GRM5: variants seen among roughly 807,000 people sequenced by gnomAD.
GRM5 encodes the protein glutamate metabotropic receptor 5.
Under a neutral mutation model 83.1 loss-of-function variants are expected in GRM5, and 19 were observed. That is an observed-to-expected ratio of 0.23 (90% CI 0.16 to 0.34). The LOEUF is 0.34. Among genes scored for constraint, GRM5 ranks in the 10% least tolerant of loss-of-function variants. The probability of loss-of-function intolerance (pLI) is 1.00; values close to 1 mark genes in which losing one functional copy is unlikely to be tolerated. For missense variants in GRM5, 1,160 were observed against 1,588.3 expected (o/e 0.73, Z 4.58); for synonymous variants, 675 against 633.6 (o/e 1.07, Z -0.98).
At chr11:88,927,146 G>A (rs759104998) in intron 2 of GRM5, among the ~76,000 whole-genome samples, 3 of 151,980 alleles carry the variant, frequency 2.0e-5, no homozygotes, top group Non-Finnish European at 4.4e-5. Context: ...TGAACTTAGC[G>A]GAATGCTCAA....
rs1941282740 is a variant in GRM5 at position 88,509,187 on chromosome 11, C to A, written c.3044G>T (p.Arg1015Leu). 3 of 1,534,082 alleles carry A rather than the reference C, an allele frequency of 2.0e-6. No individual in the cohort carries two copies. The highest frequency in any genetic ancestry group is 2.6e-6 in the Non-Finnish European group (3 of 1,142,988). ...GCTGATGGGCGACGGTGAGCGCGGC[C>A]GCGCGGGCGCCGGGAAGTGCTCCTC... Reference protein sequence around the residue: ...EAEEHFPAPARPRSPSPISTL... With the variant: ...EAEEHFPAPALPRSPSPISTL... The change falls in exon 10 of 10, where the codon CGG becomes CTG. Residue 1015 changes from arginine to leucine, a missense_variant. Arg to Leu is a moderately radical substitution (Grantham distance 102). Transcript: ENST00000305447.
chr11:88,908,677 T>C (rs982192658), intron 2 of GRM5, among the ~76,000 whole-genome samples: 43 of 152,306 alleles, frequency 2.8e-4, no homozygotes, highest in African/African-American at 9.6e-4. Context: ...TATATTGGAA[T>C]ACAGTCTTCA....
intron 4 of GRM5, among the ~76,000 whole-genome samples, chr11:88,638,919 C>A (rs1180211792): frequency 9.2e-5 from 14 of 151,796 alleles, no homozygotes; most frequent in Non-Finnish European, 1.2e-4. Flanking sequence ...AAGAAACAGG[C>A]TTTAATTTTA....
chr11:88,756,658 T>C (rs1372094794), intron 3 of GRM5, among the ~76,000 whole-genome samples: 2 of 149,136 alleles, frequency 1.3e-5, no homozygotes, highest in Non-Finnish European at 2.9e-5. Flanking sequence ...TTGTATAAAC[T>C]ATAAACTATA....
At position 88,604,809 on chromosome 11, in the gene GRM5, G is replaced by T; in HGVS notation, c.1303C>A (p.Arg435=). The T allele has an allele frequency of 2.5e-6, 4 of 1,613,408 alleles. No homozygotes were observed. Among genetic ancestry groups the T allele is most frequent in the South Asian group, 2.2e-5 (2 of 91,060 alleles). ...TTCATCAGGGACTCCAAAAGTTTCC[G>T]TCCATCAATTGGCTTCATGGCATCA... ...LCDAMKPIDG[R]KLLESLMKTN... The change falls in exon 5 of 10, where the codon CGG becomes AGG. Residue 435 remains arginine (R), a synonymous_variant. Coordinates refer to ENST00000305447, the MANE Select transcript of GRM5 (RefSeq NM_001143831.3).
chr11:88,828,927 GA>G (rs1943938539), intron 3 of GRM5, among the ~76,000 whole-genome samples: 1 of 151,828 alleles, frequency 6.6e-6, no homozygotes. Context: ...CTTTATGGCA[GA>G]ATGTAAAAAT....
intron 2 of GRM5, among the ~76,000 whole-genome samples, chr11:88,999,614 A>G (rs1940303800): frequency 6.6e-6 from 1 of 152,186 alleles, no homozygotes; most frequent in Admixed American, 6.5e-5. Flanking sequence ...ATGTGGAAAA[A>G]TAGGAACACT....
chr11:88,750,320 C>T (rs1214287908), intron 3 of GRM5, among the ~76,000 whole-genome samples: 2 of 152,010 alleles, frequency 1.3e-5, no homozygotes, highest in African/African-American at 4.8e-5. Context: ...TTTTAACCAA[C>T]AAAGATCAAA....
intron 3 of GRM5, among the ~76,000 whole-genome samples, chr11:88,840,451 C>T (rs1944177487): frequency 6.6e-6 from 1 of 152,174 alleles, no homozygotes; most frequent in Non-Finnish European, 1.5e-5. Context: ...TCTCCAAGAT[C>T]CATATTCTGA....
At chr11:88,988,908 G>T (rs1939851912) in intron 2 of GRM5, among the ~76,000 whole-genome samples, 1 of 147,678 alleles carries the variant, frequency 6.8e-6, no homozygotes, top group South Asian at 2.3e-4. Flanking sequence ...GCAAAATCAT[G>T]CCAAAATGTA....
intron 3 of GRM5, among the ~76,000 whole-genome samples, chr11:88,831,454 C>T (rs1055770203): frequency 6.6e-6 from 1 of 152,204 alleles, no homozygotes; most frequent in Non-Finnish European, 1.5e-5. Context: ...GCCGCTGCCT[C>T]CCTAACCAAG....
intron 3 of GRM5, among the ~76,000 whole-genome samples, chr11:88,799,273 A>C (rs1366468673): frequency 6.6e-6 from 1 of 152,136 alleles, no homozygotes; most frequent in Admixed American, 6.6e-5. Flanking sequence ...AGAACCTTAA[A>C]AAAGATTAAA....
At chr11:88,670,283 A>G (rs1940157899) in intron 3 of GRM5, among the ~76,000 whole-genome samples, 1 of 152,086 alleles carries the variant, frequency 6.6e-6, no homozygotes, top group African/African-American at 2.4e-5. Flanking sequence ...ATGATAAAAT[A>G]ATAAATCTTC....
chr11:88,539,610 C>T (rs1425366334), intron 8 of GRM5, among the ~76,000 whole-genome samples: 2 of 152,136 alleles, frequency 1.3e-5, no homozygotes, highest in African/African-American at 2.4e-5. Flanking sequence ...CCACACACCC[C>T]CTAATACTTA....
At chr11:88,716,109 T>A (rs1257605977) in intron 3 of GRM5, among the ~76,000 whole-genome samples, 1 of 151,818 alleles carries the variant, frequency 6.6e-6, no homozygotes, top group African/African-American at 2.4e-5. Flanking sequence ...AAAAAAAGGA[T>A]GAGAGTTTGT....
intron 1 of GRM5, among the ~76,000 whole-genome samples, chr11:89,062,488 T>A (rs1372581106): frequency 6.6e-6 from 1 of 152,206 alleles, no homozygotes; most frequent in Non-Finnish European, 1.5e-5. Flanking sequence ...TAAAATCCCA[T>A]GTAGCGAATG....
intron 2 of GRM5, among the ~76,000 whole-genome samples, chr11:88,934,612 T>A (rs935416268): frequency 5.9e-5 from 9 of 151,908 alleles, no homozygotes; most frequent in Non-Finnish European, 1.3e-4. Flanking sequence ...TGATTTAATT[T>A]CAGAAAGATA....
intron 2 of GRM5, among the ~76,000 whole-genome samples, chr11:88,867,144 C>A (rs1240915255): frequency 6.6e-6 from 1 of 151,788 alleles, no homozygotes; most frequent in Non-Finnish European, 1.5e-5. Flanking sequence ...TGGCGTGATG[C>A]CTCCAGCGTT....
chr11:88,998,520 G>C (rs1940267352), intron 2 of GRM5, among the ~76,000 whole-genome samples: 1 of 152,064 alleles, frequency 6.6e-6, no homozygotes, highest in Admixed American at 6.6e-5. Context: ...CTAAGATTAG[G>C]AACAAGGCAA....
Sources: allele counts gnomAD v4.1 joint callset (sites outside exome capture counted in the v4.1 genomes callset), GRCh38; gene constraint gnomAD v4.1.1; transcripts MANE v1.5; gene names NCBI Gene and HGNC (gene_info 2026-07-23, HGNC 2026-07-21).